Variants in ZNF521 observed in about 807,000 individuals in gnomAD.
The protein encoded by ZNF521 is LYST-interacting protein 3.
ZNF521 carries 14 observed loss-of-function variants against 105.5 expected under a neutral mutation model. The ratio of observed to expected loss-of-function variants is 0.13; its 90% CI spans 0.09 to 0.21. The LOEUF is 0.21. ZNF521 is among the 10% of genes least tolerant of loss of function. The probability of loss-of-function intolerance (pLI) is 1.00; values close to 1 mark genes in which losing one functional copy is unlikely to be tolerated. For missense variants in ZNF521, 1,233 were observed against 1,629.7 expected (o/e 0.76, Z 4.19); for synonymous variants, 635 against 606.0 (o/e 1.05, Z -0.70).
intron 5 of ZNF521, among the ~76,000 whole-genome samples, chr18:25,172,207 C>T (rs2035461111): frequency 6.6e-6 from 1 of 152,152 alleles, no homozygotes; most frequent in Non-Finnish European, 1.5e-5. Flanking sequence ...TTATATCAGA[C>T]ATTCAATAAA....
At chr18:25,137,058 T>C (rs909545479) in intron 5 of ZNF521, among the ~76,000 whole-genome samples, 7 of 152,152 alleles carry the variant, frequency 4.6e-5, no homozygotes, top group Non-Finnish European at 1.0e-4. Flanking sequence ...CACAGTCCAG[T>C]CCAAATCCGA....
chr18:25,102,595 A>G (rs1285419645), intron 5 of ZNF521, among the ~76,000 whole-genome samples: 1 of 152,000 alleles, frequency 6.6e-6, no homozygotes, highest in African/African-American at 2.4e-5. Flanking sequence ...ATATGTGCTC[A>G]TAGCTCCCTG....
Position 25,322,190 on chromosome 18 carries a change from GAA to G in ZNF521, c.41-5_41-4del. ...GTCTTCAAGTTTACAGTTGGGGTCT[GAA>G]AAATATCAACACTGTAAGTATGGGG... On this transcript the variant is annotated splice_polypyrimidine_tract_variant and splice_region_variant and intron_variant, in intron 2 of 7. Transcript: ENST00000361524. 1 of 1,613,944 alleles carries G rather than the reference GAA, an allele frequency of 6.2e-7. No individual in the cohort carries two copies. The highest frequency in any genetic ancestry group is 1.1e-5 in the South Asian group (1 of 91,078).
chr18:25,165,350 A>G (rs73943984), intron 5 of ZNF521, among the ~76,000 whole-genome samples: 1 of 152,194 alleles, frequency 6.6e-6, no homozygotes, highest in Non-Finnish European at 1.5e-5. Context: ...GCTCTCAATT[A>G]TACCAAAAAA....
chr18:25,200,917 T>C (rs1432650168), intron 4 of ZNF521: 3 of 152,270 alleles, frequency 2.0e-5, no homozygotes, highest in Middle Eastern at 3.4e-3. Context: ...CTTCTAAACA[T>C]GCTTATTTCA....
At chr18:25,346,574 C>T (rs1189411580) in intron 2 of ZNF521, among the ~76,000 whole-genome samples, 1 of 152,162 alleles carries the variant, frequency 6.6e-6, no homozygotes, top group Non-Finnish European at 1.5e-5. Flanking sequence ...CTTTAAATTG[C>T]AGACTAAGTT....
At chr18:25,138,459 G>A (rs2034778008) in intron 5 of ZNF521, among the ~76,000 whole-genome samples, 1 of 146,376 alleles carries the variant, frequency 6.8e-6, no homozygotes, top group South Asian at 2.3e-4. Flanking sequence ...TGTGAAACCA[G>A]GGAAATTAAC....
chr18:25,242,706 A>T (rs958774217), intron 3 of ZNF521, among the ~76,000 whole-genome samples: 1 of 152,278 alleles, frequency 6.6e-6, no homozygotes, highest in African/African-American at 2.4e-5. Context: ...TTGTTTAGCT[A>T]TCGAATGTAG....
At chr18:25,197,907 T>G (rs1185129790) in intron 4 of ZNF521, among the ~76,000 whole-genome samples, 2 of 151,880 alleles carry the variant, frequency 1.3e-5, no homozygotes, top group Admixed American at 1.3e-4. Context: ...CCAGGTATGA[T>G]CTGACCCTTG....
intron 5 of ZNF521, among the ~76,000 whole-genome samples, chr18:25,115,310 A>G (rs1331697675): frequency 6.6e-6 from 1 of 151,772 alleles, no homozygotes; most frequent in African/African-American, 2.4e-5. Context: ...ATCATGGCAG[A>G]CTTCATTTAG....
At chr18:25,183,879 C>G (rs1237348350) in intron 5 of ZNF521, among the ~76,000 whole-genome samples, 1 of 151,996 alleles carries the variant, frequency 6.6e-6, no homozygotes, top group East Asian at 1.9e-4. Context: ...TCAAAATTTG[C>G]TTTACTATGG....
chr18:25,110,542 G>A (rs554247677), intron 5 of ZNF521, among the ~76,000 whole-genome samples: 4 of 152,220 alleles, frequency 2.6e-5, no homozygotes, highest in South Asian at 4.2e-4. Flanking sequence ...ACCCATGAAC[G>A]AGGTAGAAGC....
intron 7 of ZNF521, among the ~76,000 whole-genome samples, chr18:25,066,487 T>C (rs555342111): frequency 2.0e-5 from 3 of 152,186 alleles, no homozygotes; most frequent in Admixed American, 2.0e-4. Flanking sequence ...TAGGTGTTGG[T>C]GAGAACAGAT....
At chr18:25,243,284 A>G (rs1253327012) in intron 3 of ZNF521, among the ~76,000 whole-genome samples, 1 of 152,174 alleles carries the variant, frequency 6.6e-6, no homozygotes, top group African/African-American at 2.4e-5. Flanking sequence ...ATTAAATGGT[A>G]TCATGCCTCA....
chr18:25,300,255 T>G (rs1911560412), intron 3 of ZNF521, among the ~76,000 whole-genome samples: 1 of 152,152 alleles, frequency 6.6e-6, no homozygotes, highest in Non-Finnish European at 1.5e-5. Context: ...ATCAACCTGG[T>G]GAAAAGCAGA....
At chr18:25,339,961 T>C (rs1384836808) in intron 2 of ZNF521, among the ~76,000 whole-genome samples, 1 of 152,152 alleles carries the variant, frequency 6.6e-6, no homozygotes, top group East Asian at 1.9e-4. Context: ...CACTAAAGGT[T>C]TGGGACATGC....
rs918329778 is a variant in ZNF521, at chr18:25,143,170, T to A, written c.3659-51089A>T. On this transcript the variant is annotated intron_variant, in intron 5 of 7. Transcript: ENST00000361524. ...TTTTCTACATTTATACTCTTTTTTT[T>A]AGCATTTTGAACATAGTATCAAAGA... Among the ~76,000 whole-genome samples, 9 of 152,202 alleles carry A rather than the reference T, an allele frequency of 5.9e-5. No homozygotes were observed. The South Asian group carries it at 6.2e-4, about 10-fold the overall frequency.
chr18:25,163,209 G>T (rs908799568), intron 5 of ZNF521, among the ~76,000 whole-genome samples: 3 of 152,078 alleles, frequency 2.0e-5, no homozygotes, highest in African/African-American at 7.2e-5. Flanking sequence ...AATATCAGAG[G>T]AGAAAACTCA....
Position 25,225,774 on chromosome 18 carries a change from T to C in ZNF521, c.2144A>G (p.Asp715Gly), listed in dbSNP as rs1390185292. 1.2e-6 allele frequency: 2 copies of C among 1,614,252 alleles called. No homozygotes were observed. The highest frequency in any genetic ancestry group is 1.7e-6 in the Non-Finnish European group (2 of 1,180,028). ...GCGAAAGAAGACAAAGGTGTGCATG[T>C]CCAGCAGGTGTTTCTGAAGGTCATC... ...SVDDLQKHLL[D>G]MHTFVFFRCT... The change falls in exon 4 of 8, where the codon GAC (aspartate) becomes GGC (glycine). Residue 715 changes from aspartate to glycine, a missense_variant. This residue lies in a region of ZNF521 where 614 missense variants were observed against 751.5 expected (regional missense o/e 0.82). Coordinates refer to ENST00000361524, the MANE Select transcript of ZNF521 (RefSeq NM_015461.3). The surrounding 1 kb of genome is among the most constrained non-coding windows in gnomAD (Gnocchi z 5.6).
Sources: gnomAD v4.1 joint callset for allele counts (sites outside exome capture counted in the v4.1 genomes callset) on GRCh38, gnomAD v4.1.1 for gene constraint, gnomAD v4.1.1 regional missense constraint, Gnocchi (gnomAD v3.1) non-coding constraint, MANE v1.5 for transcripts, NCBI Gene and HGNC (gene_info 2026-07-23, HGNC 2026-07-21) for gene names.